Variants in PCDHGB1 observed in about 807,000 individuals in gnomAD.
PCDHGB1 encodes protocadherin gamma subfamily B, 1, also known as protocadherin gamma-B1.
Under a neutral mutation model 56.6 loss-of-function variants are expected in PCDHGB1, and 34 were observed. The ratio of observed to expected loss-of-function variants is 0.60; its 90% confidence interval spans 0.46 to 0.80. The LOEUF (loss-of-function observed/expected upper bound fraction) is 0.80. Among genes scored for constraint, PCDHGB1 ranks in the 30% least tolerant of loss-of-function variants. The pLI is 0.00. For missense variants in PCDHGB1, 1,278 were observed against 1,204.6 expected, an observed-to-expected ratio of 1.06 and a Z score of -0.90; for synonymous variants, 561 against 505.9, an observed-to-expected ratio of 1.11 and a Z score of -1.46.
Position 141,485,609 on chromosome 5 carries a change from G to C in PCDHGB1, c.2410-9198G>C, listed in dbSNP as rs1432367043. On this transcript the variant is annotated intron_variant, in intron 1 of 3. Coordinates refer to ENST00000523390, the MANE Select transcript of PCDHGB1 (RefSeq NM_018922.3). The surrounding 1 kb of genome is among the most constrained non-coding windows in gnomAD (Gnocchi z 5.7). ...GCTGGACTTGGAAATTGGGGAGGCA[G>C]CTCCTCCAGGACAGCGTTTCCCGTT... The C allele has an allele frequency of 1.2e-6, 2 of 1,612,138 alleles. No homozygotes were observed. Among genetic ancestry groups the C allele is most frequent in the Non-Finnish European group, 1.7e-6 (2 of 1,178,664 alleles).
intron 1 of PCDHGB1, chr5:141,364,802 C>T (rs1312102403): frequency 6.2e-7 from 1 of 1,614,006 alleles, no homozygotes; most frequent in Non-Finnish European, 8.5e-7. Context: ...TCCCTTCGCG[C>T]GGGATGCGGA....
chr5:141,389,471 A>T (rs1425309295), intron 1 of PCDHGB1: 1 of 1,613,092 alleles, frequency 6.2e-7, no homozygotes, highest in Non-Finnish European at 8.5e-7. Flanking sequence ...TCGAACTCAC[A>T]CTGCAGGCCC....
rs549266523 is a variant in PCDHGB1 at position 141,408,917 on chromosome 5, C to A, written c.2409+56248C>A. ...TTCTGTCAAGGATACCAATGATAAC[C>A]CCCCGGTTTTCAGCAGAGACGAATA... On this transcript the variant is annotated intron_variant, in intron 1 of 3. Coordinates refer to ENST00000523390, the MANE Select transcript of PCDHGB1 (RefSeq NM_018922.3). 12 of 1,613,366 alleles carry A rather than the reference C, an allele frequency of 7.4e-6. No homozygotes were observed. In the African/African-American group the frequency reaches 1.6e-4, roughly 22 times the overall value.
Position 141,374,601 on chromosome 5 carries a change from G to C in PCDHGB1, c.2409+21932G>C, listed in dbSNP as rs772584663. 6.1e-5 allele frequency: 98 copies of C among 1,613,558 alleles called. No homozygotes were observed. Among genetic ancestry groups the C allele is most frequent in the Non-Finnish European group, 8.1e-5 (96 of 1,179,756 alleles). ...AACTCCCTTCAGGGATTTAAGCTCA[G>C]TGGTAATAGTCACTTCTCAGTGGAC... is the stretch of plus-strand genomic sequence containing the variant. On this transcript the variant is annotated intron_variant, in intron 1 of 3. Transcript: ENST00000523390.
intron 1 of PCDHGB1, chr5:141,365,075 G>T (rs754573655): frequency 1.2e-6 from 2 of 1,613,724 alleles, no homozygotes; most frequent in South Asian, 1.1e-5. Flanking sequence ...CGAGTACAGC[G>T]TGAGTGTTCC....
chr5:141,451,301 G>T (rs963686418), intron 1 of PCDHGB1, among the ~76,000 whole-genome samples: 3 of 152,196 alleles, frequency 2.0e-5, no homozygotes, highest in Non-Finnish European at 4.4e-5. Flanking sequence ...AGTCTTACAA[G>T]GCAGCAATTA....
At position 141,410,026 on chromosome 5, in the gene PCDHGB1, G is replaced by A. The variant is rs571122351; in HGVS notation, c.2409+57357G>A. 37 of 1,613,302 alleles carry A rather than the reference G, an allele frequency of 2.3e-5. 2 individuals carry two copies. The East Asian group carries it at 8.0e-4, about 35-fold the overall frequency. On this transcript the variant is annotated intron_variant, in intron 1 of 3. Coordinates refer to ENST00000523390, the MANE Select transcript of PCDHGB1 (RefSeq NM_018922.3). ...ACAACGCCTGGCTGTCCTACCACGTGCTGCAGGCCAGTGAGCCCGGACTCT... is the reference window on the plus strand; with the variant it reads ...ACAACGCCTGGCTGTCCTACCACGTACTGCAGGCCAGTGAGCCCGGACTCT...
At chr5:141,365,275 C>T in intron 1 of PCDHGB1, 1 of 1,613,980 alleles carries the variant, frequency 6.2e-7, no homozygotes, top group Non-Finnish European at 8.5e-7. Flanking sequence ...CCAGATTCTA[C>T]CTCATGGAAG....
intron 1 of PCDHGB1, chr5:141,424,460 C>T (rs2096822106): frequency 6.6e-6 from 1 of 152,056 alleles, no homozygotes; most frequent in African/African-American, 2.4e-5. Context: ...GTATTATTTC[C>T]TTTTATTCTT....
intron 1 of PCDHGB1, among the ~76,000 whole-genome samples, chr5:141,484,092 G>A (rs1594371151): frequency 6.6e-6 from 1 of 152,102 alleles, no homozygotes; most frequent in African/African-American, 2.4e-5. Flanking sequence ...AATGGTCTTC[G>A]TTGGTAATTA....
chr5:141,479,329 G>A (rs2099493017), intron 1 of PCDHGB1: 1 of 152,490 alleles, frequency 6.6e-6, no homozygotes, highest in African/African-American at 2.4e-5. Context: ...AGACTCAGTG[G>A]TGTGCACCTG....
chr5:141,486,140 C>T lies in PCDHGB1; in HGVS notation c.2410-8667C>T, dbSNP rs759476505. On this transcript the variant is annotated intron_variant, in intron 1 of 3. Coordinates refer to ENST00000523390, the MANE Select transcript of PCDHGB1 (RefSeq NM_018922.3). The surrounding 1 kb of genome is among the most constrained non-coding windows in gnomAD (Gnocchi z 5.0). ...TTACTATGAATTTGATGTGCGGGCT[C>T]GCGATGGGGGTTCTCCAGCCATGGA... 1 of 1,614,164 alleles carries T rather than the reference C, an allele frequency of 6.2e-7. No individual in the cohort carries two copies. The highest frequency in any genetic ancestry group is 1.3e-5 in the African/African-American group (1 of 75,030).
chr5:141,419,967 TTCTC>T (rs1324855239), intron 1 of PCDHGB1: 2 of 1,614,086 alleles, frequency 1.2e-6, no homozygotes, highest in Admixed American at 3.3e-5. Context: ...TCTGTGCTCT[TTCTC>T]CTCGCGGTGA....
rs528069305 is a variant in PCDHGB1, at chr5:141,457,143, T to A, written c.2410-37664T>A. Among the ~76,000 whole-genome samples the A allele has an allele frequency of 5.3e-5, 8 of 152,334 alleles. No homozygotes were observed. In the South Asian group the frequency reaches 1.5e-3, roughly 28 times the overall value. On this transcript the variant is annotated intron_variant, in intron 1 of 3. Transcript: ENST00000523390. ...ATGGAAACTCTGTCCAATATTTCAG[T>A]TAGAAGGTGCTACCATGGATAACCC...
chr5:141,366,595 C>T, intron 1 of PCDHGB1: 1 of 1,614,264 alleles, frequency 6.2e-7, no homozygotes, highest in Non-Finnish European at 8.5e-7. Flanking sequence ...CCTATTCCCA[C>T]GAGGTCTCCC....
At chr5:141,354,764 GA>G (rs1350368707) in intron 1 of PCDHGB1, among the ~76,000 whole-genome samples, 1 of 151,990 alleles carries the variant, frequency 6.6e-6, no homozygotes, top group South Asian at 2.1e-4. Context: ...CACATCTTAG[GA>G]AAAAAATCGT....
intron 1 of PCDHGB1, among the ~76,000 whole-genome samples, chr5:141,358,460 G>A (rs1316337795): frequency 6.6e-6 from 1 of 152,076 alleles, no homozygotes; most frequent in South Asian, 2.1e-4. Context: ...AAGAATACTG[G>A]CAATTTGTGA....
chr5:141,361,222 G>A, intron 1 of PCDHGB1: 1 of 1,613,958 alleles, frequency 6.2e-7, no homozygotes, highest in Non-Finnish European at 8.5e-7. Flanking sequence ...TTCGCCACCA[G>A]GAACAGTGAT....
At chr5:141,450,453 C>T (rs1202828231) in intron 1 of PCDHGB1, among the ~76,000 whole-genome samples, 3 of 152,058 alleles carry the variant, frequency 2.0e-5, no homozygotes, top group East Asian at 1.9e-4. Flanking sequence ...TATGTTTCCT[C>T]GTGATTTTAT....
Sources: gnomAD v4.1 joint callset for allele counts (sites outside exome capture counted in the v4.1 genomes callset) on GRCh38, gnomAD v4.1.1 for gene constraint, Gnocchi (gnomAD v3.1) non-coding constraint, MANE v1.5 for transcripts, NCBI Gene and HGNC (gene_info 2026-07-23, HGNC 2026-07-21) for gene names.